The following PEPD variants were observed in gnomAD, a reference collection of about 807,000 sequenced individuals.
PEPD encodes peptidase D, also known as xaa-Pro dipeptidase.
Under a neutral mutation model 60.7 loss-of-function variants are expected in PEPD, and 53 were observed. That is an observed-to-expected ratio of 0.87 (90% confidence interval 0.70 to 1.10). PEPD has a LOEUF of 1.10. Ranked by LOEUF, PEPD falls within the 50% of genes least tolerant of loss-of-function variation. The probability of loss-of-function intolerance (pLI) is 0.00; values close to 1 mark genes in which losing one functional copy is unlikely to be tolerated. For synonymous variants in PEPD, 267 were observed against 284.1 expected, an observed-to-expected ratio of 0.94 and a Z score of 0.60; for missense variants, 711 against 711.9, an observed-to-expected ratio of 1.00 and a Z score of 0.01.
rs759791606 is a variant in PEPD at position 33,521,752 on chromosome 19, C to T, written c.9G>A (p.Ala3=). 7.6e-6 allele frequency: 12 copies of T among 1,576,978 alleles called. No individual in the cohort carries two copies. The highest frequency in any genetic ancestry group is 1.0e-5 in the Non-Finnish European group (12 of 1,166,988). MA[A]ATGPSFWLGN... ...GGAGGCGCAGCACTCACCCGGTGGC[C>T]GCCGCCATGTTCGCCCGGCACCGGC... The change falls in exon 1 of 15, where the codon GCG becomes GCA. Residue 3 remains alanine (A), a synonymous_variant. Coordinates refer to ENST00000244137, the MANE Select transcript of PEPD (RefSeq NM_000285.4).
chr19:33,521,769 G>C lies in PEPD; in HGVS notation c.-9C>G. 1.3e-6 allele frequency: 2 copies of C among 1,575,690 alleles called. No individual in the cohort carries two copies. The highest frequency in any genetic ancestry group is 8.6e-7 in the Non-Finnish European group (1 of 1,165,940). On this transcript the variant is annotated 5_prime_UTR_variant, in exon 1 of 15. Coordinates refer to ENST00000244137, the MANE Select transcript of PEPD (RefSeq NM_000285.4). ...CCGGTGGCCGCCGCCATGTTCGCCCGGCACCGGCGTCACGTGAAGTGCGGC... is the reference window on the plus strand; with the variant it reads ...CCGGTGGCCGCCGCCATGTTCGCCCCGCACCGGCGTCACGTGAAGTGCGGC...
At chr19:33,458,960 G>C (rs570292790) in intron 9 of PEPD, among the ~76,000 whole-genome samples, 1 of 151,684 alleles carries the variant, frequency 6.6e-6, no homozygotes, top group East Asian at 2.0e-4. Flanking sequence ...CTCGAGGGGC[G>C]CTGGGCACAC....
chr19:33,484,822 G>A (rs1456810296), intron 6 of PEPD, among the ~76,000 whole-genome samples: 4 of 151,914 alleles, frequency 2.6e-5, no homozygotes, highest in Non-Finnish European at 4.4e-5. Context: ...AGACACACAC[G>A]GAAGAATCCA....
chr19:33,509,244 C>A (rs923966182), intron 3 of PEPD, among the ~76,000 whole-genome samples: 2 of 152,248 alleles, frequency 1.3e-5, no homozygotes, highest in African/African-American at 2.4e-5. Flanking sequence ...CGGCAGAAGC[C>A]CCAAAGGCAG....
intron 9 of PEPD, among the ~76,000 whole-genome samples, chr19:33,422,003 A>G (rs990651321): frequency 4.6e-5 from 7 of 151,932 alleles, no homozygotes; most frequent in Non-Finnish European, 8.8e-5. Context: ...GGATCCTTCC[A>G]CAACTTAAGT....
intron 9 of PEPD, among the ~76,000 whole-genome samples, chr19:33,452,629 A>G (rs938854082): frequency 1.3e-5 from 2 of 152,194 alleles, no homozygotes; most frequent in African/African-American, 4.8e-5. Context: ...GAGATATTTT[A>G]AAAACATAAG....
At chr19:33,427,085 T>C (rs181993034) in intron 9 of PEPD, among the ~76,000 whole-genome samples, 3 of 152,352 alleles carry the variant, frequency 2.0e-5, no homozygotes, top group Non-Finnish European at 4.4e-5. Context: ...TAGTCACACT[T>C]GGCTGAAGGA....
chr19:33,496,846 C>T (rs113501510), intron 4 of PEPD, among the ~76,000 whole-genome samples: 7 of 152,378 alleles, frequency 4.6e-5, no homozygotes, highest in South Asian at 2.1e-4. Context: ...AGGCTTCCCA[C>T]GGACACCTCC....
chr19:33,427,632 C>CT (rs1368816997), intron 9 of PEPD, among the ~76,000 whole-genome samples: 1 of 152,170 alleles, frequency 6.6e-6, no homozygotes, highest in African/African-American at 2.4e-5. Flanking sequence ...AAGTCTAAGT[C>CT]TTTGGATGAC....
chr19:33,514,040 G>A (rs73594062), intron 1 of PEPD, among the ~76,000 whole-genome samples: 1,871 of 151,870 alleles, frequency 0.012, 45 homozygotes, highest in African/African-American at 0.042. Flanking sequence ...CCTGAGGGCA[G>A]GGACAGAGCA....
intron 6 of PEPD, among the ~76,000 whole-genome samples, chr19:33,482,326 A>G (rs1487187416): frequency 1.3e-5 from 2 of 152,234 alleles, no homozygotes; most frequent in African/African-American, 2.4e-5. Flanking sequence ...TCATATTAAT[A>G]GAACACATAA....
At chr19:33,517,704 C>T (rs968587004) in intron 1 of PEPD, among the ~76,000 whole-genome samples, 3 of 151,984 alleles carry the variant, frequency 2.0e-5, no homozygotes, top group Non-Finnish European at 4.4e-5. Context: ...CGGTGGCTCA[C>T]GCCTGTAATA....
At chr19:33,424,311 G>A (rs1461347455) in intron 9 of PEPD, among the ~76,000 whole-genome samples, 3 of 152,378 alleles carry the variant, frequency 2.0e-5, no homozygotes, top group Middle Eastern at 6.8e-3. Flanking sequence ...CGCAGTACCC[G>A]CCTTGAGGGA....
chr19:33,472,098 T>C (rs1970131137), intron 7 of PEPD, among the ~76,000 whole-genome samples: 1 of 151,508 alleles, frequency 6.6e-6, no homozygotes, highest in Non-Finnish European at 1.5e-5. Flanking sequence ...GAGGCGGAAG[T>C]TGCAGTGAGC....
intron 1 of PEPD, among the ~76,000 whole-genome samples, chr19:33,520,493 C>T (rs925613619): frequency 2.6e-5 from 4 of 152,218 alleles, no homozygotes; most frequent in Non-Finnish European, 5.9e-5. Flanking sequence ...AATGGCAAGA[C>T]CACACGGCAA....
At chr19:33,501,423 A>G (rs1428444480) in intron 3 of PEPD, among the ~76,000 whole-genome samples, 1 of 152,172 alleles carries the variant, frequency 6.6e-6, no homozygotes, top group Non-Finnish European at 1.5e-5. Context: ...GGTCAGCCGC[A>G]GAATCCCAGC....
At chr19:33,429,020 C>G (rs1036372771) in intron 9 of PEPD, among the ~76,000 whole-genome samples, 1 of 152,210 alleles carries the variant, frequency 6.6e-6, no homozygotes, top group Non-Finnish European at 1.5e-5. Context: ...ATCTTAGCCT[C>G]CCTGCAGCTA....
chr19:33,453,847 G>T (rs964212296), intron 9 of PEPD, among the ~76,000 whole-genome samples: 2 of 152,170 alleles, frequency 1.3e-5, no homozygotes, highest in African/African-American at 4.8e-5. Flanking sequence ...CAGCAGAGCT[G>T]GGACCCAAAC....
chr19:33,447,304 C>T (rs974574935), intron 9 of PEPD, among the ~76,000 whole-genome samples: 1 of 152,214 alleles, frequency 6.6e-6, no homozygotes, highest in Non-Finnish European at 1.5e-5. Context: ...AGGAGGGACA[C>T]AGACTCATGG....
Sources: allele counts gnomAD v4.1 joint callset (sites outside exome capture counted in the v4.1 genomes callset), GRCh38; gene constraint gnomAD v4.1.1; transcripts MANE v1.5; gene names NCBI Gene and HGNC (gene_info 2026-07-23, HGNC 2026-07-21).